Variants in CEP128 observed in about 807,000 individuals in gnomAD.
The protein encoded by CEP128 is centrosomal protein 128kDa.
In CEP128, 132 loss-of-function variants were observed where a neutral mutation model predicts 156.7. That is an observed-to-expected ratio of 0.84 (90% confidence interval 0.73 to 0.97). The LOEUF is 0.97. CEP128 is among the 50% of genes least tolerant of loss of function. The probability of loss-of-function intolerance (pLI) is 0.00; values close to 1 mark genes in which losing one functional copy is unlikely to be tolerated. For synonymous variants in CEP128, 469 were observed against 448.9 expected (o/e 1.04, Z -0.57); for missense variants, 1,252 against 1,281.9 (o/e 0.98, Z 0.36).
At chr14:80,632,271 G>A (rs1566823264) in intron 19 of CEP128, among the ~76,000 whole-genome samples, 1 of 151,326 alleles carries the variant, frequency 6.6e-6, no homozygotes, top group Non-Finnish European at 1.5e-5. Flanking sequence ...TGTATACATA[G>A]AATTATACTA....
downstream of CEP128, among the ~76,000 whole-genome samples, chr14:80,495,206 T>G (rs1017626082): frequency 6.6e-6 from 1 of 152,188 alleles, no homozygotes; most frequent in Admixed American, 6.5e-5. Context: ...TCACATGTAA[T>G]TGAGGCTACC....
chr14:80,760,270 TA>T (rs926935934), intron 17 of CEP128, among the ~76,000 whole-genome samples: 39 of 151,308 alleles, frequency 2.6e-4, no homozygotes, highest in Admixed American at 6.6e-4. Context: ...CACTTGAACT[TA>T]AAAAAAAATT....
At chr14:80,772,979 G>A (rs770982851) in intron 16 of CEP128, among the ~76,000 whole-genome samples, 9 of 152,212 alleles carry the variant, frequency 5.9e-5, no homozygotes, top group East Asian at 1.9e-4. Flanking sequence ...AACTAAAGGC[G>A]TAAGACAGCA....
chr14:80,831,295 C>G lies in CEP128; in HGVS notation c.1058-1G>C, dbSNP rs1393919066. 6.2e-7 allele frequency: 1 copy of G among 1,613,830 alleles called. No individual in the cohort carries two copies. Among genetic ancestry groups the G allele is most frequent in the Non-Finnish European group, 8.5e-7 (1 of 1,179,874 alleles). Reference sequence around the variant, plus strand: ...AGGTCCTGTTTTTCCCGCTCAACCCCTTAAAAGATAAAATGTAAGGCTCAA... The same window carrying G: ...AGGTCCTGTTTTTCCCGCTCAACCCGTTAAAAGATAAAATGTAAGGCTCAA... On this transcript the variant is annotated splice_acceptor_variant, in intron 12 of 24. Transcript: ENST00000555265. LOFTEE classifies it high-confidence loss of function.
intron 16 of CEP128, among the ~76,000 whole-genome samples, chr14:80,772,625 C>T (rs550138275): frequency 3.3e-5 from 5 of 152,288 alleles, no homozygotes; most frequent in South Asian, 4.1e-4. Flanking sequence ...CACATGCCTA[C>T]TAGGGCCTCA....
intron 11 of CEP128, among the ~76,000 whole-genome samples, chr14:80,837,396 G>A (rs1886132636): frequency 1.3e-5 from 2 of 152,310 alleles, no homozygotes; most frequent in East Asian, 1.9e-4. Flanking sequence ...ATTATGGGCT[G>A]ATGGAATGCA....
At chr14:80,489,448 G>A (rs2140157023), downstream of CEP128, among the ~76,000 whole-genome samples, 1 of 141,544 alleles carries the variant, frequency 7.1e-6, no homozygotes, top group East Asian at 2.3e-4. Flanking sequence ...TCTGAGGTAG[G>A]TAATATTATA....
chr14:80,862,424 G>A (rs947868262), intron 9 of CEP128, among the ~76,000 whole-genome samples: 3 of 152,140 alleles, frequency 2.0e-5, no homozygotes, highest in African/African-American at 7.2e-5. Context: ...AACATTTTCC[G>A]AGCATATGAC....
At chr14:80,892,201 T>C (rs1201851559) in intron 8 of CEP128, among the ~76,000 whole-genome samples, 5 of 151,864 alleles carry the variant, frequency 3.3e-5, no homozygotes, top group Admixed American at 1.3e-4. Flanking sequence ...GGTACTGGCA[T>C]AAAAACAGAC....
intron 19 of CEP128, among the ~76,000 whole-genome samples, chr14:80,679,716 T>C (rs1478293090): frequency 1.3e-5 from 2 of 149,580 alleles, no homozygotes; most frequent in Non-Finnish European, 2.9e-5. Context: ...CTCAGAAGCA[T>C]GTGATCTTTG....
intron 22 of CEP128, chr14:80,527,202 GAGGATAGCTCTAGTCC>G (rs1889014771): frequency 1.8e-6 from 1 of 548,172 alleles, no homozygotes; most frequent in African/African-American, 1.9e-5. Context: ...GCCAAGGTGG[GAGGATAGCTCTAGTCC>G]AGGAGTTCGA....
chr14:80,741,777 A>C (rs902137202), intron 19 of CEP128, among the ~76,000 whole-genome samples: 2 of 152,186 alleles, frequency 1.3e-5, no homozygotes, highest in Non-Finnish European at 2.9e-5. Context: ...ATTAGTATTA[A>C]CAATTAACTT....
chr14:80,754,514 G>A (rs1465131557), intron 18 of CEP128, among the ~76,000 whole-genome samples: 1 of 147,156 alleles, frequency 6.8e-6, no homozygotes, highest in Admixed American at 6.7e-5. Flanking sequence ...CCAGAATGGG[G>A]TGCAGTGGCA....
intron 16 of CEP128, among the ~76,000 whole-genome samples, chr14:80,768,069 A>T (rs1900329415): frequency 6.6e-6 from 1 of 152,168 alleles, no homozygotes; most frequent in Admixed American, 6.5e-5. Flanking sequence ...ATTGACAAGC[A>T]TTTTTGAGCA....
At chr14:80,655,564 C>T (rs1392095538) in intron 19 of CEP128, among the ~76,000 whole-genome samples, 1 of 152,136 alleles carries the variant, frequency 6.6e-6, no homozygotes, top group African/African-American at 2.4e-5. Context: ...GAGTATATGA[C>T]CCAGGCCTTG....
At chr14:80,692,412 C>A (rs1274581201) in intron 19 of CEP128, among the ~76,000 whole-genome samples, 1 of 152,022 alleles carries the variant, frequency 6.6e-6, no homozygotes, top group Non-Finnish European at 1.5e-5. Flanking sequence ...TGTTAGATGA[C>A]ATCAAAGGAA....
intron 19 of CEP128, among the ~76,000 whole-genome samples, chr14:80,642,363 T>C (rs1454680450): frequency 6.6e-6 from 1 of 152,082 alleles, no homozygotes; most frequent in Admixed American, 6.6e-5. Flanking sequence ...AGTCCAGAGA[T>C]AAAGGAGAGA....
chr14:80,638,628 C>T (rs1363880277), intron 19 of CEP128, among the ~76,000 whole-genome samples: 1 of 152,122 alleles, frequency 6.6e-6, no homozygotes, highest in African/African-American at 2.4e-5. Context: ...TTTTTATATA[C>T]GATGTCTTTT....
chr14:80,810,380 A>G (rs1309485505), intron 13 of CEP128, among the ~76,000 whole-genome samples: 3 of 150,910 alleles, frequency 2.0e-5, no homozygotes, highest in African/African-American at 7.3e-5. Flanking sequence ...AACAATGAAC[A>G]ATTCGACAAG....
Sources: gnomAD v4.1 joint callset for allele counts (sites outside exome capture counted in the v4.1 genomes callset) on GRCh38, gnomAD v4.1.1 for gene constraint, MANE v1.5 for transcripts, NCBI Gene and HGNC (gene_info 2026-07-23, HGNC 2026-07-21) for gene names.